Variants in PCDH11X observed in about 807,000 individuals in gnomAD.
PCDH11X encodes the protein protocadherin 11 X-linked.
In PCDH11X, 18 loss-of-function variants were observed where a neutral mutation model predicts 53.3. The observed-to-expected ratio is 0.34, with a 90% CI of 0.23 to 0.50. The LOEUF (loss-of-function observed/expected upper bound fraction) is 0.50, where lower values mean the gene tolerates loss of function less well. Among genes scored for constraint, PCDH11X ranks in the 20% least tolerant of loss-of-function variants. The pLI is 0.98. For missense variants in PCDH11X, 570 were observed against 1,032.4 expected (o/e 0.55, Z 6.14); for synonymous variants, 279 against 393.3 (o/e 0.71, Z 3.44).
chrX:92,101,774 G>A (rs1174853236), intron 6 of PCDH11X, among the ~76,000 whole-genome samples: 96 of 110,660 alleles, frequency 8.7e-4, no homozygotes, highest in Non-Finnish European at 9.6e-4. Context: ...TCCTGGGTGG[G>A]GGCAAATCCT....
rs1433686689 is a variant in PCDH11X, at chrX:92,333,623, T to G, written c.3145-54112T>G. On this transcript the variant is annotated intron_variant, in intron 8 of 10. Coordinates refer to ENST00000682573, the MANE Select transcript of PCDH11X (RefSeq NM_032968.5). ...TGGTCATAGAGCAGGTTTTATTATC[T>G]GAGTAGAGGTTGTAGACAGCCAGGA... Among the ~76,000 whole-genome samples, 4 of 111,730 alleles carry G rather than the reference T, an allele frequency of 3.6e-5. No homozygotes were observed. The Admixed American group carries it at 3.8e-4, about 11-fold the overall frequency.
intron 8 of PCDH11X, among the ~76,000 whole-genome samples, chrX:92,334,013 G>A (rs1603276293): frequency 9.0e-6 from 1 of 110,954 alleles, no homozygotes; most frequent in East Asian, 2.9e-4. Context: ...TGAACTGTAT[G>A]GATCCAGTTA....
At chrX:92,219,795 C>CTA (rs2066821441) in intron 7 of PCDH11X, among the ~76,000 whole-genome samples, 1 of 76,328 alleles carries the variant, frequency 1.3e-5, no homozygotes, top group East Asian at 4.0e-4. Flanking sequence ...TGACTTCAAA[C>CTA]TATACTACAA....
chrX:92,140,516 T>C (rs1164414271), intron 6 of PCDH11X, among the ~76,000 whole-genome samples: 1 of 111,890 alleles, frequency 8.9e-6, no homozygotes, highest in East Asian at 2.8e-4. Flanking sequence ...AATAAAACAG[T>C]ATGTAAAAAT....
intron 6 of PCDH11X, among the ~76,000 whole-genome samples, chrX:91,931,858 C>T (rs1414658268): frequency 1.8e-5 from 2 of 110,913 alleles, no homozygotes; most frequent in Non-Finnish European, 3.8e-5. Context: ...GGTGCATGTG[C>T]AGGATGTGCA....
chrX:92,544,443 A>T (rs886729929), intron 10 of PCDH11X, among the ~76,000 whole-genome samples: 9 of 111,822 alleles, frequency 8.0e-5, no homozygotes, highest in African/African-American at 2.6e-4. Flanking sequence ...TTCTTATTCA[A>T]ATAGTGGGAC....
chrX:92,421,503 G>A (rs2071965824), intron 9 of PCDH11X, among the ~76,000 whole-genome samples: 1 of 111,444 alleles, frequency 9.0e-6, no homozygotes, highest in Non-Finnish European at 1.9e-5. Context: ...TTTTTATCTG[G>A]TGTTCCATTG....
At chrX:92,055,266 G>A (rs1306042536) in intron 6 of PCDH11X, among the ~76,000 whole-genome samples, 2 of 42,205 alleles carry the variant, frequency 4.7e-5, no homozygotes, top group African/African-American at 1.9e-4. Context: ...TAGTTTACAG[G>A]TTGCAGGATT....
intron 7 of PCDH11X, among the ~76,000 whole-genome samples, chrX:92,237,686 C>T (rs191662070): frequency 9.0e-6 from 1 of 111,390 alleles, no homozygotes; most frequent in African/African-American, 3.2e-5. Flanking sequence ...CAAGTACCCC[C>T]TTATCTCTCC....
At chrX:92,458,023 G>A (rs1326277176) in intron 9 of PCDH11X, among the ~76,000 whole-genome samples, 1 of 109,882 alleles carries the variant, frequency 9.1e-6, no homozygotes, top group Non-Finnish European at 1.9e-5. Context: ...ATTAATATAA[G>A]TATAGACATG....
intron 10 of PCDH11X, among the ~76,000 whole-genome samples, chrX:92,536,825 A>C (rs766040056): frequency 2.2e-4 from 24 of 109,109 alleles, no homozygotes; most frequent in Non-Finnish European, 3.8e-4. Flanking sequence ...GCTAGGATAA[A>C]TTTTGTATTT....
In PCDH11X at chrX:92,429,255, C is replaced by T. The variant is rs1406391328; in HGVS notation, c.3344-39044C>T. On this transcript the variant is annotated intron_variant, in intron 9 of 10. Transcript: ENST00000682573. ...AATAAACTCCTGAGAACATAGGACGCAAACTAAGATAAGCAAATTACAGTT... is the reference window on the plus strand; with the variant it reads ...AATAAACTCCTGAGAACATAGGACGTAAACTAAGATAAGCAAATTACAGTT... 3.6e-5 allele frequency among the ~76,000 whole-genome samples: 4 copies of T among 110,522 alleles called. No homozygotes were observed. The Admixed American group carries it at 3.9e-4, about 11-fold the overall frequency.
At position 92,039,878 on chromosome X, in the gene PCDH11X, T is replaced by C. The variant is rs368237106; in HGVS notation, c.3033+160605T>C. Among the ~76,000 whole-genome samples, 30 of 106,163 alleles carry C rather than the reference T, an allele frequency of 2.8e-4. 2 individuals are homozygous for C. The South Asian group carries it at 6.5e-3, about 23-fold the overall frequency. The allele number at this position is 106,163 out of a possible 115,157, so 92.2% of individuals were successfully genotyped here. On this transcript the variant is annotated intron_variant, in intron 6 of 10. Transcript: ENST00000682573. ...CTCACTGAAGTCCCACCATGTACTA[T>C]CTGGTTATCACTGATGGTTACTCAG...
rs779991876 is a variant in PCDH11X, at chrX:91,924,766, T to C, written c.3033+45493T>C. 4.5e-5 allele frequency among the ~76,000 whole-genome samples: 5 copies of C among 111,049 alleles called. No individual in the cohort carries two copies. In the South Asian group the frequency reaches 1.9e-3, roughly 41 times the overall value. On this transcript the variant is annotated intron_variant, in intron 6 of 10. Transcript: ENST00000682573. ...AGAAATTGAGTACCTTTTGTTTAGCTGGTTTAAGCACATTTCTTCCTCCTG... is the reference window on the plus strand; with the variant it reads ...AGAAATTGAGTACCTTTTGTTTAGCCGGTTTAAGCACATTTCTTCCTCCTG...
chrX:92,480,873 G>A (rs187209775), intron 10 of PCDH11X, among the ~76,000 whole-genome samples: 19,934 of 110,876 alleles, frequency 0.18, 1,785 homozygotes, highest in Non-Finnish European at 0.26. Context: ...GTACCTGCAT[G>A]TTGGCTGTGG....
chrX:91,976,403 G>T (rs992981766), intron 6 of PCDH11X, among the ~76,000 whole-genome samples: 1 of 112,134 alleles, frequency 8.9e-6, no homozygotes, highest in Non-Finnish European at 1.9e-5. Context: ...CAGGATAATT[G>T]AATTTTTCAT....
At chrX:92,490,518 T>A (rs1456716876) in intron 10 of PCDH11X, among the ~76,000 whole-genome samples, 1 of 110,691 alleles carries the variant, frequency 9.0e-6, no homozygotes, top group African/African-American at 3.3e-5. Context: ...CCTGTATCGA[T>A]GATCCTGAAA....
At chrX:92,183,248 C>CTTTTTTT (rs60978254) in intron 6 of PCDH11X, among the ~76,000 whole-genome samples, 4 of 52,297 alleles carry the variant, frequency 7.6e-5, no homozygotes, top group Non-Finnish European at 1.0e-4. Context: ...CTAGAGAAAC[C>CTTTTTTT]TTTTTTTTTT....
rs910308373 is a variant in PCDH11X at position 91,914,211 on chromosome X, G to T, written c.3033+34938G>T. Among the ~76,000 whole-genome samples, 3 of 110,595 alleles carry T rather than the reference G, an allele frequency of 2.7e-5. No individual in the cohort carries two copies. In the Admixed American group the frequency reaches 2.9e-4, roughly 11 times the overall value. On this transcript the variant is annotated intron_variant, in intron 6 of 10. Coordinates refer to ENST00000682573, the MANE Select transcript of PCDH11X (RefSeq NM_032968.5). ...ATCTCTAGGGGAAGGGGGAGAGCAC[G>T]ACATCAAGGAATCACCCTCTAGGAC...
Sources: gnomAD v4.1 joint callset for allele counts (sites outside exome capture counted in the v4.1 genomes callset) on GRCh38, gnomAD v4.1.1 for gene constraint, MANE v1.5 for transcripts, NCBI Gene and HGNC (gene_info 2026-07-23, HGNC 2026-07-21) for gene names.